Variants in MRAP observed in about 807,000 individuals in gnomAD.
MRAP encodes the protein melanocortin-2 receptor accessory protein.
In MRAP, 8 loss-of-function variants were observed where a neutral mutation model predicts 8.7. The ratio of observed to expected loss-of-function variants is 0.92; its 90% confidence interval spans 0.54 to 1.66. The LOEUF (loss-of-function observed/expected upper bound fraction) is 1.66, where lower values mean the gene tolerates loss of function less well. MRAP is among the 40% of genes most tolerant of loss of function. The pLI, the probability that MRAP is intolerant of heterozygous loss-of-function variation, is 0.00. For missense variants in MRAP, 237 were observed against 217.1 expected, an observed-to-expected ratio of 1.09 and a Z score of -0.58; for synonymous variants, 95 against 95.5, an observed-to-expected ratio of 1.00 and a Z score of 0.03.
At chr21:32,298,043 G>C (rs2032173435), upstream of MRAP, among the ~76,000 whole-genome samples, 1 of 152,146 alleles carries the variant, frequency 6.6e-6, no homozygotes, top group Non-Finnish European at 1.5e-5. Flanking sequence ...CGTGTGTTTT[G>C]GCCTCCTAAT....
intron 2 of MRAP, among the ~76,000 whole-genome samples, chr21:32,293,792 A>G (rs2098096145): frequency 6.6e-6 from 1 of 152,222 alleles, no homozygotes. Context: ...TGTTAATATA[A>G]GTATGTCATT....
chr21:32,307,153 A>G (rs1309035087), intron 2 of MRAP, among the ~76,000 whole-genome samples: 1 of 152,236 alleles, frequency 6.6e-6, no homozygotes, highest in African/African-American at 2.4e-5. Flanking sequence ...CCATTCACAC[A>G]AAACATCCAG....
rs116025147 is a variant in MRAP at position 32,305,303 on chromosome 21, T to C, written c.107-1337T>C. On this transcript the variant is annotated intron_variant, in intron 1 of 2. Coordinates refer to ENST00000303645, the MANE Select transcript of MRAP (RefSeq NM_001379228.1). ...ATACCCTGTTTTTAATGTTACATTT[T>C]AGGGTCCAAGATCAACTCTTATGAG... Among the ~76,000 whole-genome samples the C allele has an allele frequency of 4.2e-3, 632 of 152,284 alleles. 5 individuals are homozygous for C. The highest frequency in any genetic ancestry group is 0.015 in the African/African-American group (611 of 41,564).
At chr21:32,312,892 T>C (rs1422392637), downstream of MRAP, 3 of 152,130 alleles carry the variant, frequency 2.0e-5, no homozygotes, top group African/African-American at 7.2e-5. Context: ...ATATTTTAAG[T>C]CAGGTGAAGA....
chr21:32,292,613 C>T (rs977909897), intron 1 of MRAP, among the ~76,000 whole-genome samples: 4 of 152,106 alleles, frequency 2.6e-5, no homozygotes, highest in Non-Finnish European at 4.4e-5. Context: ...TGCACCACCA[C>T]GCCTGACTGA....
intron 1 of MRAP, among the ~76,000 whole-genome samples, chr21:32,301,486 A>G (rs931797005): frequency 5.3e-5 from 8 of 152,238 alleles, no homozygotes; most frequent in African/African-American, 1.9e-4. Flanking sequence ...AGGTCTCCCC[A>G]GAAGCAGAAG....
intron 1 of MRAP, among the ~76,000 whole-genome samples, chr21:32,300,258 G>A (rs767036022): frequency 2.6e-5 from 4 of 151,910 alleles, no homozygotes; most frequent in Non-Finnish European, 4.4e-5. Flanking sequence ...GACCAGGCAT[G>A]GTGGCTCATG....
intron 2 of MRAP, among the ~76,000 whole-genome samples, chr21:32,307,066 T>C (rs1263856056): frequency 6.6e-6 from 1 of 152,208 alleles, no homozygotes; most frequent in Non-Finnish European, 1.5e-5. Context: ...TTCTGATCCA[T>C]GCTGCAACAT....
At chr21:32,304,953 G>GTTTTT (rs1159686772) in intron 1 of MRAP, among the ~76,000 whole-genome samples, 8 of 113,856 alleles carry the variant, frequency 7.0e-5, no homozygotes, top group African/African-American at 2.9e-4. Flanking sequence ...AGGGGGATTT[G>GTTTTT]TTTTTTTTGT....
intron 1 of MRAP, among the ~76,000 whole-genome samples, chr21:32,304,473 G>C (rs1328498875): frequency 6.6e-6 from 1 of 152,102 alleles, no homozygotes; most frequent in Non-Finnish European, 1.5e-5. Context: ...AAATTAGCTG[G>C]ATGTGGTGGT....
chr21:32,309,163 C>T (rs1307692462), intron 2 of MRAP, among the ~76,000 whole-genome samples: 4 of 152,068 alleles, frequency 2.6e-5, no homozygotes, highest in Non-Finnish European at 5.9e-5. Context: ...TGGTGAGGGC[C>T]TCATTTTGTA....
intron 1 of MRAP, among the ~76,000 whole-genome samples, chr21:32,304,976 T>TG (rs71193190): frequency 0.55 from 68,649 of 125,594 alleles, 21,501 homozygotes; most frequent in Non-Finnish European, 0.7. Flanking sequence ...TTTTTTTTTT[T>TG]TTTTTTTTTT....
intron 1 of MRAP, among the ~76,000 whole-genome samples, chr21:32,304,965 G>GGT (rs2032375925): frequency 1.3e-5 from 1 of 78,102 alleles, no homozygotes; most frequent in African/African-American, 4.8e-5. Flanking sequence ...TTTTTTTGTT[G>GGT]TTTTTTTTTT....
chr21:32,305,930 G>A (rs2032404992), intron 1 of MRAP, among the ~76,000 whole-genome samples: 2 of 152,182 alleles, frequency 1.3e-5, no homozygotes, highest in South Asian at 2.1e-4. Context: ...GGCCCCAGGG[G>A]GGCTAAGTGT....
intron 1 of MRAP, among the ~76,000 whole-genome samples, chr21:32,292,566 C>T (rs1011314916): frequency 1.3e-5 from 2 of 152,166 alleles, no homozygotes; most frequent in Non-Finnish European, 1.5e-5. Context: ...AAGCGATTCT[C>T]TTGCCTCAGC....
At chr21:32,303,951 T>C (rs576338915) in intron 1 of MRAP, among the ~76,000 whole-genome samples, 1 of 152,242 alleles carries the variant, frequency 6.6e-6, no homozygotes, top group African/African-American at 2.4e-5. Flanking sequence ...AGACACTGCG[T>C]TCTGTGAAAC....
At chr21:32,304,949 A>G (rs1421027104) in intron 1 of MRAP, among the ~76,000 whole-genome samples, 1 of 113,270 alleles carries the variant, frequency 8.8e-6, no homozygotes, top group Non-Finnish European at 1.8e-5. Flanking sequence ...TTTGAGGGGG[A>G]TTTGTTTTTT....
chr21:32,312,723 C>T (rs1172777894), downstream of MRAP: 1 of 153,904 alleles, frequency 6.5e-6, no homozygotes, highest in Non-Finnish European at 1.4e-5. Flanking sequence ...CTCTAGTGCC[C>T]AGCAGCCTTG....
chr21:32,312,096 G>C lies in MRAP; in HGVS notation c.*100G>C, dbSNP rs1179203406. The C allele has an allele frequency of 4.4e-6, 7 of 1,587,322 alleles. No individual in the cohort carries two copies. The highest frequency in any genetic ancestry group is 6.0e-6 in the Non-Finnish European group (7 of 1,173,232). On this transcript the variant is annotated 3_prime_UTR_variant, in exon 3 of 3. Coordinates refer to ENST00000303645, the MANE Select transcript of MRAP (RefSeq NM_001379228.1). ...TCTTAGAGGCCATTTGCATGTAGCA[G>C]AAAGGGCACCTAGGTCAAGTGCAAC...
Sources: allele counts gnomAD v4.1 joint callset (sites outside exome capture counted in the v4.1 genomes callset), GRCh38; gene constraint gnomAD v4.1.1; transcripts MANE v1.5; gene names NCBI Gene and HGNC (gene_info 2026-07-23, HGNC 2026-07-21).